TJP1: variants seen among roughly 807,000 people sequenced by gnomAD.
TJP1 encodes the protein tight junction protein 1, also known as tight junction protein ZO-1.
In TJP1, 43 loss-of-function variants were observed where a neutral mutation model predicts 194.2. The ratio of observed to expected loss-of-function variants is 0.22; its 90% CI spans 0.17 to 0.29. The LOEUF (loss-of-function observed/expected upper bound fraction) is 0.29. Ranked by LOEUF, TJP1 falls within the 10% of genes least tolerant of loss-of-function variation. TJP1 has a pLI of 1.00. For missense variants in TJP1, 1,971 were observed against 2,185.7 expected (o/e 0.90, Z 1.96); for synonymous variants, 801 against 779.0 (o/e 1.03, Z -0.47).
intron 15 of TJP1, 74 bp downstream of exon 15, chr15:29,732,359 T>C (rs2043721436): frequency 8.0e-7 from 1 of 1,251,482 alleles, no homozygotes. Flanking sequence ...TTTTATTGAA[T>C]GAGTGAATCA....
chr15:29,821,400 T>A (rs554047805), intron 1 of TJP1: 1 of 152,214 alleles, frequency 6.6e-6, no homozygotes, highest in Non-Finnish European at 1.5e-5. Context: ...GTTAAAGAGG[T>A]TATTTTCAAA....
chr15:29,832,301 G>A (rs143744747), intron 2 of TJP1, among the ~76,000 whole-genome samples: 95 of 152,216 alleles, frequency 6.2e-4, no homozygotes, highest in African/African-American at 2.1e-3. Flanking sequence ...CCTGGCTGAG[G>A]GTCTGCCAAC....
At position 29,865,954 on chromosome 15, in the gene TJP1, T is replaced by C. The variant is rs117741540; in HGVS notation, c.307-65252A>G. Among the ~76,000 whole-genome samples the C allele has an allele frequency of 8.6e-4, 131 of 152,308 alleles. No individual in the cohort carries two copies. In the East Asian group the frequency reaches 0.022, roughly 26 times the overall value. On this transcript the variant is annotated intron_variant, in intron 2 of 28. Transcript: ENST00000356107. ...TAGGAGACAGGGAACACAAGCTATT[T>C]AAGAGAAGCTTTCTGCCCTTGATTG...
At chr15:29,923,386 T>C (rs1473562125) in intron 2 of TJP1, among the ~76,000 whole-genome samples, 1 of 152,170 alleles carries the variant, frequency 6.6e-6, no homozygotes, top group Non-Finnish European at 1.5e-5. Flanking sequence ...TAATTCATGA[T>C]CACTGCTCCC....
At chr15:29,965,837 C>A (rs557083248) in intron 1 of TJP1, among the ~76,000 whole-genome samples, 1 of 152,208 alleles carries the variant, frequency 6.6e-6, no homozygotes, top group African/African-American at 2.4e-5. Context: ...AGAGCATACC[C>A]TTCCCTTTGC....
chr15:29,764,880 T>C (rs1396749375), intron 5 of TJP1, among the ~76,000 whole-genome samples: 1 of 152,072 alleles, frequency 6.6e-6, no homozygotes, highest in Non-Finnish European at 1.5e-5. Flanking sequence ...TCTGCCATCA[T>C]CAGCAGTGAC....
intron 2 of TJP1, among the ~76,000 whole-genome samples, chr15:29,854,156 T>G (rs1340470669): frequency 4.6e-5 from 7 of 152,122 alleles, no homozygotes; most frequent in Admixed American, 2.0e-4. Context: ...ATGTAATATT[T>G]TATACACCAT....
chr15:29,880,996 AT>A (rs2052907587), intron 2 of TJP1, among the ~76,000 whole-genome samples: 1 of 152,020 alleles, frequency 6.6e-6, no homozygotes, highest in Admixed American at 6.6e-5. Context: ...TCTATTTTTC[AT>A]TTTTTGAACA....
At chr15:29,742,988 G>A (rs977470431) in intron 8 of TJP1, 1 of 383,366 alleles carries the variant, frequency 2.6e-6, no homozygotes, top group African/African-American at 2.1e-5. Context: ...AATCGAAAAT[G>A]AAGAAATATA....
At chr15:29,820,093 A>T (rs2050219110) in intron 1 of TJP1, among the ~76,000 whole-genome samples, 1 of 152,134 alleles carries the variant, frequency 6.6e-6, no homozygotes, top group Non-Finnish European at 1.5e-5. Flanking sequence ...GCACTGGCTT[A>T]TTAGACAAGA....
Position 29,862,937 on chromosome 15 carries a change from C to T in TJP1, c.307-62235G>A, listed in dbSNP as rs564842642. On this transcript the variant is annotated intron_variant, in intron 2 of 28. Transcript: ENST00000356107. ...TACTGGGATTACAGGCGTGAGCCAC[C>T]GTGCCCAGCTGGGGATCGGTTTTTA... Among the ~76,000 whole-genome samples the T allele has an allele frequency of 9.9e-5, 15 of 151,558 alleles. No homozygotes were observed. The South Asian group carries it at 2.3e-3, about 23-fold the overall frequency.
intron 2 of TJP1, among the ~76,000 whole-genome samples, chr15:29,885,362 C>G (rs1031866845): frequency 1.3e-5 from 2 of 152,178 alleles, no homozygotes; most frequent in Admixed American, 6.5e-5. Context: ...GGCAAGGGAA[C>G]ACATGGAGAT....
chr15:29,909,156 C>CAAAAA (rs1228556468), intron 2 of TJP1, among the ~76,000 whole-genome samples: 6 of 84,018 alleles, frequency 7.1e-5, no homozygotes, highest in South Asian at 4.0e-4. Context: ...GACTCCATCT[C>CAAAAA]AAAAAAAAAA....
At chr15:29,794,705 T>G (rs140471123) in intron 2 of TJP1, among the ~76,000 whole-genome samples, 1 of 152,232 alleles carries the variant, frequency 6.6e-6, no homozygotes, top group Non-Finnish European at 1.5e-5. Context: ...AGGTGTCTTA[T>G]GTTATTTTGC....
At chr15:29,773,126 G>A (rs1474178623) in intron 3 of TJP1, 107 bp downstream of exon 3, 13 of 1,294,710 alleles carry the variant, frequency 1.0e-5, no homozygotes, top group Non-Finnish European at 1.4e-5. Flanking sequence ...GGCACAGGTG[G>A]AGTGTGAATA....
At chr15:29,835,691 G>A (rs1467450781) in intron 2 of TJP1, among the ~76,000 whole-genome samples, 1 of 151,944 alleles carries the variant, frequency 6.6e-6, no homozygotes, top group Non-Finnish European at 1.5e-5. Context: ...ACTCTAACAT[G>A]TAGAATCAGT....
Position 29,741,386 on chromosome 15 carries a change from C to G in TJP1, c.1201G>C (p.Val401Leu), listed in dbSNP as rs764486454. Residue 401 changes from valine to leucine, a missense_variant, in exon 10 of 28, where the codon GTC becomes CTC. Physicochemically the swap from Val to Leu is conservative, Grantham distance 32. This residue lies in a region of TJP1 where 192 missense variants were observed against 182.3 expected (regional missense o/e 1.05). Transcript: ENST00000614355. ...GGTAGGACACCATCAGATGGACTGACAGGTAAATCCACATCTGGTTGCCCA... is the reference window on the plus strand; with the variant it reads ...GGTAGGACACCATCAGATGGACTGAGAGGTAAATCCACATCTGGTTGCCCA... ...QVGQPDVDLPVSPSDGVLPNS... is the reference protein window; with the variant it reads ...QVGQPDVDLPLSPSDGVLPNS... The G allele has an allele frequency of 1.6e-5, 25 of 1,599,582 alleles. No homozygotes were observed. Among genetic ancestry groups the G allele is most frequent in the Non-Finnish European group, 2.1e-5 (25 of 1,176,008 alleles).
At chr15:29,919,665 T>C (rs1176097296) in intron 2 of TJP1, among the ~76,000 whole-genome samples, 1 of 152,132 alleles carries the variant, frequency 6.6e-6, no homozygotes, top group Non-Finnish European at 1.5e-5. Flanking sequence ...CTGGGCATTT[T>C]GGGGGTCTGG....
chr15:29,776,444 T>C (rs749301946), intron 2 of TJP1, among the ~76,000 whole-genome samples: 44 of 152,178 alleles, frequency 2.9e-4, no homozygotes, highest in African/African-American at 8.7e-4. Context: ...GATACAGTCA[T>C]TGAAAAAGAA....
Sources: gnomAD v4.1 joint callset for allele counts (sites outside exome capture counted in the v4.1 genomes callset) on GRCh38, gnomAD v4.1.1 for gene constraint, gnomAD v4.1.1 regional missense constraint, MANE v1.5 for transcripts, NCBI Gene and HGNC (gene_info 2026-07-23, HGNC 2026-07-21) for gene names.